The following ANGPTL2 variants were observed in gnomAD, a reference collection of about 807,000 sequenced individuals.
The protein encoded by ANGPTL2 is angiopoietin-related protein 2.
In ANGPTL2, 25 loss-of-function variants were observed where a neutral mutation model predicts 52.8. The observed-to-expected ratio is 0.47, with a 90% confidence interval of 0.35 to 0.66. The LOEUF (loss-of-function observed/expected upper bound fraction) is 0.66, where lower values mean the gene tolerates loss of function less well. Among genes scored for constraint, ANGPTL2 ranks in the 30% least tolerant of loss-of-function variants. ANGPTL2 has a pLI of 0.01. For synonymous variants in ANGPTL2, 276 were observed against 277.4 expected, an observed-to-expected ratio of 1.00 and a Z score of 0.05; for missense variants, 546 against 656.9, an observed-to-expected ratio of 0.83 and a Z score of 1.84.
chr9:127,108,391 C>T lies in ANGPTL2; in HGVS notation c.341G>A (p.Gly114Asp), dbSNP rs899292890. Residue 114 changes from glycine to aspartate, a missense_variant, in exon 2 of 5, where the codon GGC becomes GAC. Transcript: ENST00000373425. Reference sequence around the variant, plus strand: ...CAGCTTCACCTCGCTCACAATGCCGCCGTCCACCTCCACCAGCTGCTGCAG... The same window carrying T: ...CAGCTTCACCTCGCTCACAATGCCGTCGTCCACCTCCACCAGCTGCTGCAG... ...ETLQQLVEVD[G>D]GIVSEVKLLR... 1.9e-6 allele frequency: 3 copies of T among 1,608,998 alleles called. No individual in the cohort carries two copies. The highest frequency in any genetic ancestry group is 3.3e-5 in the Admixed American group (2 of 59,868).
intron 2 of ANGPTL2, among the ~76,000 whole-genome samples, chr9:127,095,891 A>C (rs2053073677): frequency 6.6e-6 from 1 of 152,170 alleles, no homozygotes; most frequent in African/African-American, 2.4e-5. Flanking sequence ...CCTGACGGGA[A>C]GGCAGGGGCT....
At chr9:127,114,037 A>C (rs2055139864) in intron 1 of ANGPTL2, among the ~76,000 whole-genome samples, 1 of 152,228 alleles carries the variant, frequency 6.6e-6, no homozygotes, top group Non-Finnish European at 1.5e-5. Context: ...AGTTCCAGCA[A>C]TTAAAAGAAT....
intron 1 of ANGPTL2, among the ~76,000 whole-genome samples, chr9:127,119,680 G>T (rs564401614): frequency 6.6e-6 from 1 of 152,356 alleles, no homozygotes; most frequent in South Asian, 2.1e-4. Context: ...TGGAGGGCCA[G>T]ATGGAGGAAC....
In ANGPTL2 at chr9:127,108,361, C is replaced by A; in HGVS notation, c.371G>T (p.Arg124Leu). ...GGIVSEVKLL[R>L]KESRNMNSRV... ...CGAGTTCATGTTGCGGCTCTCCTTG[C>A]GCAGCAGCTTCACCTCGCTCACAAT... The change falls in exon 2 of 5, where the codon CGC becomes CTC. Residue 124 changes from arginine to leucine, a missense_variant. By Grantham distance (102) the Arg-to-Leu change is moderately radical (BLOSUM62 -2). Coordinates refer to ENST00000373425, the MANE Select transcript of ANGPTL2 (RefSeq NM_012098.3). 1 of 1,611,392 alleles carries A rather than the reference C, an allele frequency of 6.2e-7. No homozygotes were observed. Among genetic ancestry groups the A allele is most frequent in the Non-Finnish European group, 8.5e-7 (1 of 1,178,650 alleles).
rs761716759 is a variant in ANGPTL2, at chr9:127,088,866, C to G, written c.*73G>C. The stretch of plus-strand genomic sequence containing the variant: ...CAGGATGAACTGGTGAGGAGTTGTT[C>G]TTTGTGCTGTGGCCAGCGTGACCAG... On this transcript the variant is annotated 3_prime_UTR_variant, in exon 5 of 5. Coordinates refer to ENST00000373425, the MANE Select transcript of ANGPTL2 (RefSeq NM_012098.3). The G allele has an allele frequency of 1.1e-5, 17 of 1,572,952 alleles. No individual in the cohort carries two copies. The highest frequency in any genetic ancestry group is 8.4e-5 in the Admixed American group (5 of 59,564).
At chr9:127,090,713 C>T (rs2052363078) in intron 4 of ANGPTL2, among the ~76,000 whole-genome samples, 1 of 152,166 alleles carries the variant, frequency 6.6e-6, no homozygotes, top group Non-Finnish European at 1.5e-5. Context: ...GAAATGGAGG[C>T]AGGAGGGGAC....
chr9:127,092,749 G>A (rs902031661), intron 3 of ANGPTL2, among the ~76,000 whole-genome samples: 7 of 152,146 alleles, frequency 4.6e-5, no homozygotes, highest in African/African-American at 1.7e-4. Context: ...TCATTGCACT[G>A]TATTGCCTCT....
chr9:127,102,393 A>G (rs2053826904), intron 2 of ANGPTL2, among the ~76,000 whole-genome samples: 1 of 152,100 alleles, frequency 6.6e-6, no homozygotes, highest in Non-Finnish European at 1.5e-5. Flanking sequence ...ATACTATACA[A>G]GTTCACCACA....
Position 127,088,715 on chromosome 9 carries a change from G to C in ANGPTL2, c.*224C>G. On this transcript the variant is annotated 3_prime_UTR_variant, in exon 5 of 5. Coordinates refer to ENST00000373425, the MANE Select transcript of ANGPTL2 (RefSeq NM_012098.3). ...TTGTCTGTAGTCCTGTCCTGTCCTG[G>C]AGACATGAGGGGCTGTCTGGTGTGA... 1.7e-6 allele frequency: 1 copy of C among 593,794 alleles called. No homozygotes were observed. Among genetic ancestry groups the C allele is most frequent in the Non-Finnish European group, 3.0e-6 (1 of 333,446 alleles). 36.8% of individuals were successfully genotyped at this position (593,794 alleles called of 1,614,324 possible).
chr9:127,110,873 T>C (rs564473030), intron 1 of ANGPTL2, among the ~76,000 whole-genome samples: 24 of 152,314 alleles, frequency 1.6e-4, no homozygotes, highest in Admixed American at 1.5e-3. Context: ...ACCTGGACTA[T>C]TGGAGTAATT....
At chr9:127,109,515 C>T (rs2054588742) in intron 1 of ANGPTL2, among the ~76,000 whole-genome samples, 1 of 152,204 alleles carries the variant, frequency 6.6e-6, no homozygotes, top group Admixed American at 6.5e-5. Flanking sequence ...CAACTGAGCT[C>T]TTCTGAATCC....
At chr9:127,121,772 C>T (rs995749865) in intron 1 of ANGPTL2, among the ~76,000 whole-genome samples, 6 of 152,208 alleles carry the variant, frequency 3.9e-5, no homozygotes, top group African/African-American at 1.4e-4. Context: ...TGCCTCTGCT[C>T]TCCTCGCCAG....
At chr9:127,100,268 T>C (rs973659077) in intron 2 of ANGPTL2, among the ~76,000 whole-genome samples, 52 of 152,302 alleles carry the variant, frequency 3.4e-4, no homozygotes, top group African/African-American at 1.2e-3. Context: ...TTCTATTAAA[T>C]GTGTGAGGTA....
chr9:127,089,982 A>G (rs2052269139), intron 4 of ANGPTL2, among the ~76,000 whole-genome samples: 1 of 152,168 alleles, frequency 6.6e-6, no homozygotes, highest in African/African-American at 2.4e-5. Context: ...GGCCCAACAG[A>G]GCAGGTGGCC....
chr9:127,090,723 C>G (rs1237227894), intron 4 of ANGPTL2, among the ~76,000 whole-genome samples: 2 of 152,190 alleles, frequency 1.3e-5, no homozygotes, highest in Non-Finnish European at 2.9e-5. Context: ...CAGGAGGGGA[C>G]TGGGTTTGCC....
chr9:127,088,817 C>G lies in ANGPTL2; in HGVS notation c.*122G>C. Reference sequence around the variant, plus strand: ...CTGCAGTGACTTCGGAAAACAGAATCCAGCATCCCGGTCCTCCCAGCCTCA... The same window carrying G: ...CTGCAGTGACTTCGGAAAACAGAATGCAGCATCCCGGTCCTCCCAGCCTCA... On this transcript the variant is annotated 3_prime_UTR_variant, in exon 5 of 5. Transcript: ENST00000373425. The G allele has an allele frequency of 8.6e-7, 1 of 1,160,262 alleles. No homozygotes were observed. Among genetic ancestry groups the G allele is most frequent in the East Asian group, 2.4e-5 (1 of 42,218 alleles). The allele number at this position is 1,160,262 out of a possible 1,614,324, so 71.9% of individuals were successfully genotyped here.
At chr9:127,120,759 C>T (rs571862095) in intron 1 of ANGPTL2, among the ~76,000 whole-genome samples, 3 of 151,054 alleles carry the variant, frequency 2.0e-5, no homozygotes, top group South Asian at 2.1e-4. Context: ...ACCCAGCAGG[C>T]GGAGTTTGCA....
chr9:127,114,393 A>G (rs570394263), intron 1 of ANGPTL2, among the ~76,000 whole-genome samples: 9 of 152,330 alleles, frequency 5.9e-5, no homozygotes, highest in South Asian at 4.1e-4. Context: ...ACAGATCCCA[A>G]AATAACCCCC....
At chr9:127,104,502 C>A (rs2054032579) in intron 2 of ANGPTL2, among the ~76,000 whole-genome samples, 1 of 152,256 alleles carries the variant, frequency 6.6e-6, no homozygotes, top group East Asian at 1.9e-4. Context: ...GGCCTCATCA[C>A]AGAATCATCC....
Sources: gnomAD v4.1 joint callset for allele counts (sites outside exome capture counted in the v4.1 genomes callset) on GRCh38, gnomAD v4.1.1 for gene constraint, MANE v1.5 for transcripts, NCBI Gene and HGNC (gene_info 2026-07-23, HGNC 2026-07-21) for gene names.